Variants in CENPI observed in about 807,000 individuals in gnomAD.
CENPI encodes centromere protein I.
Under a neutral mutation model 60.4 loss-of-function variants are expected in CENPI, and 4 were observed. The ratio of observed to expected loss-of-function variants is 0.07; its 90% CI spans 0.03 to 0.15. The LOEUF (loss-of-function observed/expected upper bound fraction) is 0.15. Ranked by LOEUF, CENPI falls within the 10% of genes least tolerant of loss-of-function variation. CENPI has a pLI of 1.00. For synonymous variants in CENPI, 157 were observed against 189.4 expected, an observed-to-expected ratio of 0.83 and a Z score of 1.40; for missense variants, 444 against 534.5, an observed-to-expected ratio of 0.83 and a Z score of 1.67.
At chrX:101,102,881 G>A (rs942216596) in intron 4 of CENPI, among the ~76,000 whole-genome samples, 3 of 98,544 alleles carry the variant, frequency 3.0e-5, no homozygotes, top group African/African-American at 7.7e-5. Context: ...TAGTAGGGAC[G>A]GGTTTTTGCT....
intron 4 of CENPI, among the ~76,000 whole-genome samples, chrX:101,109,224 G>A (rs1199925399): frequency 9.3e-6 from 1 of 107,981 alleles, no homozygotes; most frequent in Non-Finnish European, 1.9e-5. Context: ...GGGATTACAG[G>A]CATGCTCCAC....
chrX:101,156,076 G>C (rs2090049767), intron 20 of CENPI, among the ~76,000 whole-genome samples: 1 of 109,982 alleles, frequency 9.1e-6, no homozygotes, highest in Non-Finnish European at 1.9e-5. Flanking sequence ...GCAATGGCAT[G>C]ATCTTGGCTC....
chrX:101,176,947 G>A, the CENPI span, among the ~76,000 whole-genome samples: 1 of 112,355 alleles, frequency 8.9e-6, no homozygotes. Flanking sequence ...TGCTATTATT[G>A]GTGGAGGCTG....
intron 21 of CENPI, 146 bp from the exon 22 acceptor site, chrX:101,162,687 T>G (rs1167664700): frequency 1.7e-6 from 1 of 572,539 alleles, no homozygotes; most frequent in Non-Finnish European, 2.8e-6. Context: ...TAAATGTTAC[T>G]TAGTGACTGA....
chrX:101,102,460 TA>T (rs750578447), intron 4 of CENPI, 49 bp downstream of exon 4: 43 of 876,546 alleles, frequency 4.9e-5, no homozygotes, highest in South Asian at 4.7e-4. Flanking sequence ...CTAGCACCTA[TA>T]TTTTTTTCTT....
In CENPI at chrX:101,120,382, A is replaced by AT; in HGVS notation, c.592-13dup. On this transcript the variant is annotated intron_variant, in intron 6 of 21. Transcript: ENST00000682095. The stretch of plus-strand genomic sequence containing the variant: ...AAGACATATTATCATTTCTCTTAAT[A>AT]TTTTTTTATGTTTTAACAGTGCCCT... The AT allele has an allele frequency of 2.1e-6, 1 of 484,412 alleles. No homozygotes were observed. Among genetic ancestry groups the AT allele is most frequent in the Non-Finnish European group, 3.1e-6 (1 of 321,865 alleles). 39.9% of individuals were successfully genotyped at this position (484,412 alleles called of 1,213,427 possible).
chrX:101,157,274 A>G (rs745417138), intron 20 of CENPI, among the ~76,000 whole-genome samples: 3 of 111,706 alleles, frequency 2.7e-5, no homozygotes, highest in Non-Finnish European at 5.6e-5. Context: ...TAAACTAGTT[A>G]TCACTATCCC....
Position 101,163,565 on chromosome X carries a change from A to G in CENPI, c.*598A>G, listed in dbSNP as rs962159874. 1.7e-5 allele frequency: 2 copies of G among 114,516 alleles called. No individual in the cohort carries two copies. Among genetic ancestry groups the G allele is most frequent in the African/African-American group, 6.5e-5 (2 of 30,587 alleles). The allele number at this position is 114,516 out of a possible 1,213,427, so 9.4% of individuals were successfully genotyped here. ...ATGTCTGATTTCATGGAACTGCTCT[A>G]TTTTGTTTGTGTGTATTGTATATGT... On this transcript the variant is annotated 3_prime_UTR_variant, in exon 22 of 22. Transcript: ENST00000682095.
chrX:101,174,313 C>T, the CENPI span, among the ~76,000 whole-genome samples: 2 of 111,790 alleles, frequency 1.8e-5, no homozygotes, highest in African/African-American at 6.5e-5. Flanking sequence ...AATCCCATGA[C>T]TGGGTAAATA....
rs748202386 is a variant in CENPI at position 101,164,050 on chromosome X, T to C, written c.*1083T>C. The stretch of plus-strand genomic sequence containing the variant: ...AAAAAAAAAAAAATTACCTCAATGC[T>C]ATTGAATAATTCTCCCTTCTAGTAA... On this transcript the variant is annotated 3_prime_UTR_variant, in exon 22 of 22. Transcript: ENST00000682095. 1.9e-4 allele frequency among the ~76,000 whole-genome samples: 21 copies of C among 110,703 alleles called. No homozygotes were observed. Among genetic ancestry groups the C allele is most frequent in the Non-Finnish European group, 3.6e-4 (19 of 52,867 alleles).
rs972478040 is a variant in CENPI at position 101,149,746 on chromosome X, A to G, written c.2094+1585A>G. Among the ~76,000 whole-genome samples, 16 of 110,671 alleles carry G rather than the reference A, an allele frequency of 1.4e-4. No homozygotes were observed. The Admixed American group carries it at 1.5e-3, about 10-fold the overall frequency. Reference sequence around the variant, plus strand: ...GGTCTTGAACTCCTGACCTCAGGTGATCTGCCTGCCTCGGCCTCCCAAAGT... The same window carrying G: ...GGTCTTGAACTCCTGACCTCAGGTGGTCTGCCTGCCTCGGCCTCCCAAAGT... On this transcript the variant is annotated intron_variant, in intron 20 of 21. Coordinates refer to ENST00000682095, the MANE Select transcript of CENPI (RefSeq NM_001386188.2).
At chrX:101,120,866 A>G in intron 8 of CENPI, 82 bp downstream of exon 8, 1 of 787,792 alleles carries the variant, frequency 1.3e-6, no homozygotes, top group Non-Finnish European at 1.9e-6. Flanking sequence ...AAAATCAAAT[A>G]ACTCTTGATC....
intron 6 of CENPI, among the ~76,000 whole-genome samples, chrX:101,118,850 A>G (rs1047613742): frequency 8.9e-6 from 1 of 111,824 alleles, no homozygotes; most frequent in African/African-American, 3.2e-5. Context: ...TGTGTAGTAT[A>G]TGGCAGATGT....
At chrX:101,178,786 AG>A in the CENPI span, among the ~76,000 whole-genome samples, 1 of 111,950 alleles carries the variant, frequency 8.9e-6, no homozygotes, top group Admixed American at 9.5e-5. Flanking sequence ...TAATAACTAC[AG>A]TAGCTCTTCT....
intron 15 of CENPI, among the ~76,000 whole-genome samples, chrX:101,137,059 T>C (rs1303802133): frequency 1.4e-4 from 16 of 110,742 alleles, no homozygotes; most frequent in Non-Finnish European, 2.6e-4. Context: ...ACTACAGGCA[T>C]GTGCCACCAA....
chrX:101,166,974 G>T, downstream of CENPI, among the ~76,000 whole-genome samples: 1 of 112,254 alleles, frequency 8.9e-6, no homozygotes, highest in Middle Eastern at 4.6e-3. Context: ...TGGCCAGGAT[G>T]GTCTCAATCT....
intron 2 of CENPI, among the ~76,000 whole-genome samples, 190 bp from the exon 3 acceptor site, chrX:101,100,868 A>G (rs1322323306): frequency 1.8e-5 from 2 of 112,004 alleles, no homozygotes; most frequent in East Asian, 5.6e-4. Flanking sequence ...TTCTATTTCT[A>G]TTTAGGGCAA....
intron 15 of CENPI, 103 bp downstream of exon 15, chrX:101,132,559 T>A: frequency 2.8e-6 from 2 of 710,364 alleles, no homozygotes; most frequent in Non-Finnish European, 4.2e-6. Context: ...TATAACAGGA[T>A]TTTCTTGGAC....
At chrX:101,135,392 A>G (rs771065222) in intron 15 of CENPI, among the ~76,000 whole-genome samples, 2 of 111,541 alleles carry the variant, frequency 1.8e-5, no homozygotes, top group Non-Finnish European at 3.8e-5. Context: ...CAGAGATATG[A>G]GAAGATAAAA....
Sources: allele counts gnomAD v4.1 joint callset (sites outside exome capture counted in the v4.1 genomes callset), GRCh38; gene constraint gnomAD v4.1.1; transcripts MANE v1.5; gene names NCBI Gene and HGNC (gene_info 2026-07-23, HGNC 2026-07-21).